Variants in MORC1 observed in about 807,000 individuals in gnomAD.
MORC1 encodes MORC family CW-type zinc finger 1.
In MORC1, 59 loss-of-function variants were observed where a neutral mutation model predicts 134.9. The observed-to-expected ratio is 0.44, with a 90% confidence interval of 0.35 to 0.54. The LOEUF is 0.54. Among genes scored for constraint, MORC1 ranks in the 20% least tolerant of loss-of-function variants. The pLI is 0.00. For synonymous variants in MORC1, 395 were observed against 391.7 expected (o/e 1.01, Z -0.10); for missense variants, 947 against 1,134.5 (o/e 0.83, Z 2.37).
chr3:109,002,230 A>G lies in MORC1; in HGVS notation c.2086-1572T>C, dbSNP rs147811605. On this transcript the variant is annotated intron_variant, in intron 20 of 27. Transcript: ENST00000232603. The stretch of plus-strand genomic sequence containing the variant: ...GAGTCTCATAACTTCTGCCTATAGT[A>G]TCTTGGTTATTGGAGTTGCCAAAGA... Among the ~76,000 whole-genome samples, 556 of 152,304 alleles carry G rather than the reference A, an allele frequency of 3.7e-3. 3 individuals are homozygous for G. The highest frequency in any genetic ancestry group is 0.013 in the African/African-American group (535 of 41,562).
intron 14 of MORC1, among the ~76,000 whole-genome samples, chr3:109,039,823 C>T (rs2107629140): frequency 6.6e-6 from 1 of 152,260 alleles, no homozygotes; most frequent in South Asian, 2.1e-4. Context: ...GCCTCTCCCT[C>T]ATGGTTGCAA....
intron 7 of MORC1, 136 bp from the exon 8 acceptor site, chr3:109,093,677 T>A (rs1263996614): frequency 1.6e-6 from 1 of 635,694 alleles, no homozygotes; most frequent in Non-Finnish European, 2.7e-6. Flanking sequence ...TATGTTTGGC[T>A]AACTCTTTGG....
At chr3:109,066,361 C>G (rs1437096430) in intron 9 of MORC1, among the ~76,000 whole-genome samples, 1 of 147,672 alleles carries the variant, frequency 6.8e-6, no homozygotes, top group Non-Finnish European at 1.5e-5. Flanking sequence ...TCTCAGTTCA[C>G]TGCAACCTCC....
intron 23 of MORC1, 140 bp from the exon 24 acceptor site, chr3:108,979,807 T>C: frequency 1.2e-6 from 1 of 806,144 alleles, no homozygotes; most frequent in Non-Finnish European, 1.9e-6. Flanking sequence ...CTGCCACCAC[T>C]GTAGTTACAT....
intron 18 of MORC1, among the ~76,000 whole-genome samples, chr3:109,006,323 A>G (rs537659998): frequency 6.6e-6 from 1 of 152,356 alleles, no homozygotes; most frequent in African/African-American, 2.4e-5. Flanking sequence ...TCCTTGATAT[A>G]CTAGCAGAAG....
Position 109,103,899 on chromosome 3 carries a change from T to G in MORC1, c.173A>C (p.Gln58Pro), listed in dbSNP as rs1380998030. Reference sequence around the variant, plus strand: ...CAGGAAACACAACATGAATCCCCCCTGCAGTTTTTCATTATCCACTGTAAG... The same window carrying G: ...CAGGAAACACAACATGAATCCCCCCGGCAGTTTTTCATTATCCACTGTAAG... ...DVFSVDNEKL[Q>P]GGFMLCFLDD... is the part of the protein sequence containing the mutation. Residue 58 changes from glutamine to proline, a missense_variant, in exon 4 of 28, where the codon CAG becomes CCG. This residue lies in a region of MORC1 where 214 missense variants were observed against 281.3 expected (regional missense o/e 0.76). Transcript: ENST00000232603. 5 of 1,614,050 alleles carry G rather than the reference T, an allele frequency of 3.1e-6. No individual in the cohort carries two copies. Among genetic ancestry groups the G allele is most frequent in the Non-Finnish European group, 4.2e-6 (5 of 1,179,900 alleles).
chr3:109,110,894 A>G, intron 2 of MORC1, 111 bp from the exon 3 acceptor site: 2 of 729,376 alleles, frequency 2.7e-6, no homozygotes, highest in Non-Finnish European at 4.3e-6. Flanking sequence ...AATTGCTTCA[A>G]AATCAATTTC....
chr3:109,063,049 G>T, intron 10 of MORC1, 103 bp downstream of exon 10: 1 of 731,454 alleles, frequency 1.4e-6, no homozygotes, highest in Non-Finnish European at 2.2e-6. Flanking sequence ...AATTGTAGTA[G>T]CTCCTACAAT....
In MORC1 at chr3:109,005,126, G is replaced by C; in HGVS notation, c.1957C>G (p.Gln653Glu). Residue 653 changes from glutamine (Q) to glutamate (E), a missense_variant, in exon 19 of 28, where the codon CAG becomes GAG. Gln to Glu is a conservative substitution (Grantham distance 29, BLOSUM62 2). Transcript: ENST00000232603. ...GGCAGAGCTACTGGAATTCTCTGCT[G>C]TTGAGAGTTCATTTTCTCCTCCATA... ...KSMEEKMNSQ[Q>E]QRIPVALPEN... The C allele has an allele frequency of 6.2e-7, 1 of 1,613,772 alleles. No individual in the cohort carries two copies.
intron 9 of MORC1, among the ~76,000 whole-genome samples, chr3:109,068,369 C>T (rs1950245744): frequency 6.6e-6 from 1 of 152,144 alleles, no homozygotes. Flanking sequence ...CCCACTCTTC[C>T]CCCTCAAGTC....
chr3:109,114,500 TA>T (rs1255105179), intron 1 of MORC1, 63 bp from the exon 2 acceptor site: 35 of 1,436,912 alleles, frequency 2.4e-5, no homozygotes, highest in Non-Finnish European at 9.7e-7. Flanking sequence ...GTAAAAGCTT[TA>T]AGATTCTTGC....
chr3:109,029,915 T>G (rs1690306512), intron 16 of MORC1, among the ~76,000 whole-genome samples: 1 of 152,212 alleles, frequency 6.6e-6, no homozygotes, highest in South Asian at 2.1e-4. Flanking sequence ...TGAAGAATTC[T>G]GGGCAAGTCA....
chr3:109,063,091 C>T, intron 10 of MORC1, 61 bp downstream of exon 10: 1 of 1,254,144 alleles, frequency 8.0e-7, no homozygotes. Context: ...AAAATAAGTG[C>T]ACAATTAACA....
intron 8 of MORC1, among the ~76,000 whole-genome samples, chr3:109,079,600 A>G (rs917476908): frequency 1.3e-5 from 2 of 152,142 alleles, no homozygotes; most frequent in Admixed American, 6.5e-5. Context: ...TAAGACAAAA[A>G]CAAAGCAAAG....
At chr3:109,095,653 T>A (rs983537931) in intron 6 of MORC1, among the ~76,000 whole-genome samples, 2 of 152,144 alleles carry the variant, frequency 1.3e-5, no homozygotes, top group African/African-American at 4.8e-5. Context: ...GGCACCTTAC[T>A]GAGATTAGAT....
In MORC1 at chr3:108,982,726, T is replaced by TAAAA. The variant is rs72358419; in HGVS notation, c.2324+1986_2324+1989dup. ...CACATGTACCCTAGAACTTAAAGTATAAAAAAAAAAAAAAAGAAGAAGAAG... is the reference window on the plus strand; with the variant it reads ...CACATGTACCCTAGAACTTAAAGTATAAAAAAAAAAAAAAAAAAAGAAGAAGAAG... On this transcript the variant is annotated intron_variant, in intron 23 of 27. Coordinates refer to ENST00000232603, the MANE Select transcript of MORC1 (RefSeq NM_014429.4). 3.1e-3 allele frequency among the ~76,000 whole-genome samples: 367 copies of TAAAA among 117,702 alleles called. 4 individuals are homozygous for TAAAA. The highest frequency in any genetic ancestry group is 0.012 in the African/African-American group (341 of 29,342). 77.2% of individuals were successfully genotyped at this position (117,702 alleles called of 152,430 possible).
chr3:109,099,602 G>A, intron 5 of MORC1, 136 bp from the exon 6 acceptor site: 1 of 590,486 alleles, frequency 1.7e-6, no homozygotes, highest in East Asian at 3.7e-5. Flanking sequence ...CATCAAGAGG[G>A]TACAATTTTT....
intron 4 of MORC1, among the ~76,000 whole-genome samples, chr3:109,102,692 T>C (rs747435766): frequency 2.4e-4 from 37 of 152,222 alleles, no homozygotes; most frequent in Non-Finnish European, 2.9e-4. Flanking sequence ...TCATGACCCA[T>C]ATAAAAAGAG....
At chr3:109,112,237 A>C (rs1951182539) in intron 2 of MORC1, among the ~76,000 whole-genome samples, 1 of 152,194 alleles carries the variant, frequency 6.6e-6, no homozygotes. Flanking sequence ...TTCCTTTCTG[A>C]AGAGCTATTG....
Sources: gnomAD v4.1 joint callset for allele counts (sites outside exome capture counted in the v4.1 genomes callset) on GRCh38, gnomAD v4.1.1 for gene constraint, gnomAD v4.1.1 regional missense constraint, MANE v1.5 for transcripts, NCBI Gene and HGNC (gene_info 2026-07-23, HGNC 2026-07-21) for gene names.